The following VAV2 variants were observed in gnomAD, a reference collection of about 807,000 sequenced individuals.
The protein encoded by VAV2 is vav guanine nucleotide exchange factor 2, also known as guanine nucleotide exchange factor VAV2.
VAV2 carries 67 observed loss-of-function variants against 132.5 expected under a neutral mutation model. The observed-to-expected ratio is 0.51, with a 90% CI of 0.42 to 0.62. The LOEUF (loss-of-function observed/expected upper bound fraction) is 0.62. VAV2 is among the 20% of genes least tolerant of loss of function. The pLI, the probability that VAV2 is intolerant of heterozygous loss-of-function variation, is 0.00. For synonymous variants in VAV2, 492 were observed against 443.5 expected, an observed-to-expected ratio of 1.11 and a Z score of -1.37; for missense variants, 938 against 1,153.6, an observed-to-expected ratio of 0.81 and a Z score of 2.71.
Position 133,860,071 on chromosome 9 carries a change from G to A in VAV2, c.380+1303C>T, listed in dbSNP as rs928152983. ...TAATCCCAGCACTTTGGGAGGCTGA[G>A]GTGGGCAGATCACCAGCTCAGGAGA... On this transcript the variant is annotated intron_variant, in intron 3 of 29. Coordinates refer to ENST00000371850, the MANE Select transcript of VAV2 (RefSeq NM_001134398.2). Among the ~76,000 whole-genome samples, 3 of 152,182 alleles carry A rather than the reference G, an allele frequency of 2.0e-5. No homozygotes were observed. In the East Asian group the frequency reaches 5.8e-4, roughly 29 times the overall value.
intron 1 of VAV2, among the ~76,000 whole-genome samples, chr9:133,946,492 G>A (rs916285822): frequency 1.1e-4 from 17 of 152,254 alleles, no homozygotes; most frequent in African/African-American, 3.6e-4. Context: ...CAGCCTCCAC[G>A]CCCTGCGGCA....
chr9:133,814,771 G>A (rs750122560), intron 4 of VAV2, among the ~76,000 whole-genome samples: 1 of 151,988 alleles, frequency 6.6e-6, no homozygotes, highest in Non-Finnish European at 1.5e-5. Context: ...CCCATCACAG[G>A]TCGACCAGAA....
At chr9:133,844,111 C>A (rs1041682799) in intron 3 of VAV2, among the ~76,000 whole-genome samples, 3 of 152,142 alleles carry the variant, frequency 2.0e-5, no homozygotes. Flanking sequence ...ATCTCACAGG[C>A]GGAAAGAAAT....
Position 133,777,451 on chromosome 9 carries a change from G to C in VAV2, c.1903C>G (p.Gln635Glu). The change falls in exon 23 of 30, where the codon CAA becomes GAA. Residue 635 changes from glutamine (Q) to glutamate (E), a missense_variant. By Grantham distance (29) the Gln-to-Glu change is conservative. Coordinates refer to ENST00000371850, the MANE Select transcript of VAV2 (RefSeq NM_001134398.2). ...ESPWWEGRLV[Q>E]TRKSGYFPSS... ...GGGAAATACCCTGACTTCCTGGTTTGTACCAGACGACCCTGGCAGAGGAAA... is the reference window on the plus strand; with the variant it reads ...GGGAAATACCCTGACTTCCTGGTTTCTACCAGACGACCCTGGCAGAGGAAA... The C allele has an allele frequency of 6.2e-7, 1 of 1,613,660 alleles. No homozygotes were observed. Among genetic ancestry groups the C allele is most frequent in the Non-Finnish European group, 8.5e-7 (1 of 1,179,990 alleles).
intron 2 of VAV2, among the ~76,000 whole-genome samples, chr9:133,893,574 G>A (rs377621612): frequency 1.2e-4 from 19 of 152,168 alleles, no homozygotes; most frequent in Admixed American, 7.2e-4. Flanking sequence ...CACCCACTCC[G>A]GCCAGCTCCA....
At chr9:133,907,303 T>C (rs1839693931) in intron 2 of VAV2, among the ~76,000 whole-genome samples, 1 of 152,150 alleles carries the variant, frequency 6.6e-6, no homozygotes, top group African/African-American at 2.4e-5. Context: ...CTCAGAGCCC[T>C]CAGGCCACAC....
chr9:133,806,338 G>A (rs937958399), intron 8 of VAV2, among the ~76,000 whole-genome samples, 157 bp from the exon 9 acceptor site: 11 of 152,232 alleles, frequency 7.2e-5, no homozygotes, highest in Admixed American at 2.6e-4. Context: ...ATGCCAGGGT[G>A]TGATTCAGGT....
intron 3 of VAV2, among the ~76,000 whole-genome samples, chr9:133,860,548 T>C (rs1022997347): frequency 6.6e-6 from 1 of 152,016 alleles, no homozygotes; most frequent in African/African-American, 2.4e-5. Flanking sequence ...CCCCCACGGA[T>C]CACATCAGGG....
intron 13 of VAV2, among the ~76,000 whole-genome samples, chr9:133,790,201 T>C (rs777011297): frequency 4.6e-5 from 7 of 152,200 alleles, no homozygotes; most frequent in Admixed American, 1.3e-4. Flanking sequence ...GTTTTTGAGA[T>C]AGTCTCACTA....
intron 15 of VAV2, 63 bp from the exon 16 acceptor site, chr9:133,787,323 TG>T: frequency 6.6e-7 from 1 of 1,505,840 alleles, no homozygotes; most frequent in Non-Finnish European, 8.9e-7. Context: ...CCCGGCCCTG[TG>T]GTGGGTGCCG....
rs1054418915 is a variant in VAV2, at chr9:133,991,901, G to A, written c.204+174C>T. Among the ~76,000 whole-genome samples the A allele has an allele frequency of 2.7e-5, 4 of 150,700 alleles. No individual in the cohort carries two copies. The highest frequency in any genetic ancestry group is 5.9e-5 in the Non-Finnish European group (4 of 67,546). On this transcript the variant is annotated intron_variant, in intron 1 of 29. Coordinates refer to ENST00000371850, the MANE Select transcript of VAV2 (RefSeq NM_001134398.2). The surrounding 1 kb of genome is among the most constrained non-coding windows in gnomAD (Gnocchi z 4.8). Reference sequence around the variant, plus strand: ...CTTTGGCCAACTTCGCGCCTCCTGAGGTCGCGTCTCGGAGGCCCGGGGCGC... The same window carrying A: ...CTTTGGCCAACTTCGCGCCTCCTGAAGTCGCGTCTCGGAGGCCCGGGGCGC...
At chr9:133,921,135 C>T (rs1564467297) in intron 2 of VAV2, among the ~76,000 whole-genome samples, 4 of 152,070 alleles carry the variant, frequency 2.6e-5, no homozygotes, top group South Asian at 2.1e-4. Context: ...GGAGGGGAGA[C>T]GGCGGGGGAT....
chr9:133,779,948 A>G lies in VAV2; in HGVS notation c.1741-9T>C. The G allele has an allele frequency of 6.2e-7, 1 of 1,612,492 alleles. No homozygotes were observed. On this transcript the variant is annotated splice_polypyrimidine_tract_variant and intron_variant, in intron 20 of 29. Coordinates refer to ENST00000371850, the MANE Select transcript of VAV2 (RefSeq NM_001134398.2). ...CCCGCTCCGGAGGCGTCCTGTGAGG[A>G]CAAGGACAGAACACAGAGATGAGGG...
intron 3 of VAV2, among the ~76,000 whole-genome samples, chr9:133,860,948 G>A (rs1374887491): frequency 1.3e-5 from 2 of 152,194 alleles, no homozygotes; most frequent in African/African-American, 2.4e-5. Context: ...GGCTTGTCCA[G>A]TGCCCTGCAC....
intron 16 of VAV2, among the ~76,000 whole-genome samples, chr9:133,786,874 G>A (rs567455428): frequency 1.3e-5 from 2 of 152,306 alleles, no homozygotes; most frequent in South Asian, 2.1e-4. Flanking sequence ...AGCGTGGAGC[G>A]GGGATGGGAG....
chr9:133,838,789 G>A (rs530069109), intron 3 of VAV2, among the ~76,000 whole-genome samples: 1 of 143,852 alleles, frequency 7.0e-6, no homozygotes, highest in African/African-American at 2.6e-5. Context: ...ATGGCTGAGT[G>A]CATGAGTGGG....
chr9:133,909,709 C>T (rs796379525), intron 2 of VAV2, among the ~76,000 whole-genome samples: 2 of 152,286 alleles, frequency 1.3e-5, no homozygotes, highest in Admixed American at 1.3e-4. Flanking sequence ...GGCAGACACA[C>T]GGTGTGTGAG....
At chr9:133,841,547 T>C (rs549434291) in intron 3 of VAV2, among the ~76,000 whole-genome samples, 10 of 151,976 alleles carry the variant, frequency 6.6e-5, no homozygotes, top group Admixed American at 4.6e-4. Flanking sequence ...CTGGAGTGAG[T>C]GTCCACAAAC....
chr9:133,763,098 G>T lies in VAV2; in HGVS notation c.*964C>A, dbSNP rs899171835. Reference sequence around the variant, plus strand: ...GCCCTTGGAAGGAAGCCCTGCCAGGGGCTGGAACCAACCTCTCGTGCCAAG... The same window carrying T: ...GCCCTTGGAAGGAAGCCCTGCCAGGTGCTGGAACCAACCTCTCGTGCCAAG... On this transcript the variant is annotated 3_prime_UTR_variant, in exon 30 of 30. Transcript: ENST00000371850. The surrounding 1 kb of genome is among the most constrained non-coding windows in gnomAD (Gnocchi z 6.8). 2.0e-5 allele frequency: 3 copies of T among 152,642 alleles called. No homozygotes were observed. The South Asian group carries it at 6.2e-4, about 32-fold the overall frequency. 9.5% of individuals were successfully genotyped at this position (152,642 alleles called of 1,614,324 possible). A position where few individuals can be genotyped will look rare whatever the true frequency, so the allele number is the denominator to read the frequency against.
Sources: gnomAD v4.1 joint callset for allele counts (sites outside exome capture counted in the v4.1 genomes callset) on GRCh38, gnomAD v4.1.1 for gene constraint, Gnocchi (gnomAD v3.1) non-coding constraint, MANE v1.5 for transcripts, NCBI Gene and HGNC (gene_info 2026-07-23, HGNC 2026-07-21) for gene names.